Variants in FAM171B observed in about 807,000 individuals in gnomAD.
The protein encoded by FAM171B is protein FAM171B.
In FAM171B, 19 loss-of-function variants were observed where a neutral mutation model predicts 75.6. That is an observed-to-expected ratio of 0.25 (90% CI 0.18 to 0.37). The LOEUF is 0.37. Among genes scored for constraint, FAM171B ranks in the 10% least tolerant of loss-of-function variants. FAM171B has a pLI of 1.00. For synonymous variants in FAM171B, 367 were observed against 361.7 expected (o/e 1.01, Z -0.17); for missense variants, 848 against 982.4 (o/e 0.86, Z 1.83).
chr2:186,762,774 C>G lies in FAM171B; in HGVS notation c.2432C>G (p.Thr811Ser). The G allele has an allele frequency of 6.2e-7, 1 of 1,613,204 alleles. No homozygotes were observed. Among genetic ancestry groups the G allele is most frequent in the South Asian group, 1.1e-5 (1 of 91,040 alleles). Reference sequence around the variant, plus strand: ...CCACTAGCCAAAAGAGATAGCAAGACTAACATCTGGAAGAAGCGAGAGGAA... The same window carrying G: ...CCACTAGCCAAAAGAGATAGCAAGAGTAACATCTGGAAGAAGCGAGAGGAA... ...RPPLAKRDSK[T>S]NIWKKREERP... is the part of the protein sequence containing the mutation. Residue 811 changes from threonine (T) to serine (S), a missense_variant, in exon 8 of 8, where the codon ACT becomes AGT. Thr to Ser is a moderately conservative substitution (Grantham distance 58, BLOSUM62 1). This residue lies in a region of FAM171B where 136 missense variants were observed against 159.3 expected (regional missense o/e 0.85). Coordinates refer to ENST00000304698, the MANE Select transcript of FAM171B (RefSeq NM_177454.4). This position sits in a 1 kb window ranked among gnomAD's most constrained non-coding sequence, Gnocchi z 4.0.
At position 186,694,391 on chromosome 2, in the gene FAM171B, C is replaced by A; in HGVS notation, c.218C>A (p.Thr73Asn). 6.2e-7 allele frequency: 1 copy of A among 1,612,494 alleles called. No homozygotes were observed. Among genetic ancestry groups the A allele is most frequent in the Non-Finnish European group, 8.5e-7 (1 of 1,179,440 alleles). Reference protein sequence around the residue: ...EEERTEVPGATSTLTVPVSVF... With the variant: ...EEERTEVPGANSTLTVPVSVF... ...GAGAGGACAGAGGTGCCTGGGGCAA[C>A]CTCCACCTTGACGGTTCCAGGTAGG... The change falls in exon 1 of 8, where the codon ACC (threonine) becomes AAC (asparagine). Residue 73 changes from threonine to asparagine, a missense_variant. Thr to Asn is a moderately conservative substitution (Grantham distance 65). Around this residue, in one of 3 missense-constraint regions of FAM171B, gnomAD observed 665 missense variants for 729.0 expected, o/e 0.91. Transcript: ENST00000304698.
chr2:186,763,492 A>C lies in FAM171B; in HGVS notation c.*669A>C, dbSNP rs1690654492. 6.6e-6 allele frequency: 1 copy of C among 152,102 alleles called. No homozygotes were observed. The highest frequency in any genetic ancestry group is 2.4e-5 in the African/African-American group (1 of 41,432). 9.4% of individuals were successfully genotyped at this position (152,102 alleles called of 1,614,324 possible). A position where few individuals can be genotyped will look rare whatever the true frequency, so the allele number is the denominator to read the frequency against. Reference sequence around the variant, plus strand: ...AACTTTACAAAATAAGTAAGATGTTAATTTAGAAATTTGAGAAATTAATGC... The same window carrying C: ...AACTTTACAAAATAAGTAAGATGTTCATTTAGAAATTTGAGAAATTAATGC... On this transcript the variant is annotated 3_prime_UTR_variant, in exon 8 of 8. Coordinates refer to ENST00000304698, the MANE Select transcript of FAM171B (RefSeq NM_177454.4).
In FAM171B at chr2:186,765,198, A is replaced by G. The variant is rs1028478529; in HGVS notation, c.*2375A>G. 6.6e-6 allele frequency: 1 copy of G among 152,044 alleles called. No individual in the cohort carries two copies. The highest frequency in any genetic ancestry group is 1.5e-5 in the Non-Finnish European group (1 of 67,940). 9.4% of individuals were successfully genotyped at this position (152,044 alleles called of 1,614,324 possible). On this transcript the variant is annotated 3_prime_UTR_variant, in exon 8 of 8. Transcript: ENST00000304698. ...TCTACTTTTTCTTAACCCAAGTGAT[A>G]ATAAACAATATTCACAACTTTCTTA...
chr2:186,764,166 C>T lies in FAM171B; in HGVS notation c.*1343C>T, dbSNP rs1036965161. 4 of 152,010 alleles carry T rather than the reference C, an allele frequency of 2.6e-5. No homozygotes were observed. The highest frequency in any genetic ancestry group is 5.9e-5 in the Non-Finnish European group (4 of 67,948). 9.4% of individuals were successfully genotyped at this position (152,010 alleles called of 1,614,324 possible). On this transcript the variant is annotated 3_prime_UTR_variant, in exon 8 of 8. Transcript: ENST00000304698. ...CCCTGAAGGCAAATGTCTGAAGCAC[C>T]TTTCCCTTGTGGGGGTAAAAATCCT...
chr2:186,706,890 T>C (rs1051152663), intron 1 of FAM171B, among the ~76,000 whole-genome samples: 1 of 152,036 alleles, frequency 6.6e-6, no homozygotes, highest in Non-Finnish European at 1.5e-5. Flanking sequence ...GAAAATTATA[T>C]ATTAATATTA....
At position 186,764,079 on chromosome 2, in the gene FAM171B, C is replaced by T. The variant is rs1690663728; in HGVS notation, c.*1256C>T. 6.6e-6 allele frequency: 1 copy of T among 152,038 alleles called. No individual in the cohort carries two copies. The highest frequency in any genetic ancestry group is 2.1e-4 in the South Asian group (1 of 4,830). The allele number at this position is 152,038 out of a possible 1,614,324, so 9.4% of individuals were successfully genotyped here. On this transcript the variant is annotated 3_prime_UTR_variant, in exon 8 of 8. Coordinates refer to ENST00000304698, the MANE Select transcript of FAM171B (RefSeq NM_177454.4). ...AATTAACTCTGAATTACCATTCATA[C>T]ATCCTAAAAATAAAAGCTCGTTATT...
chr2:186,718,536 T>C (rs1231450742), intron 1 of FAM171B, among the ~76,000 whole-genome samples: 1 of 152,224 alleles, frequency 6.6e-6, no homozygotes, highest in Non-Finnish European at 1.5e-5. Flanking sequence ...TTCCCTCTTC[T>C]CTATCCCTGT....
At chr2:186,732,137 T>C (rs1690126613) in intron 1 of FAM171B, among the ~76,000 whole-genome samples, 1 of 151,622 alleles carries the variant, frequency 6.6e-6, no homozygotes, top group African/African-American at 2.4e-5. Flanking sequence ...GCCAAAAAGG[T>C]TGGGAGGCAC....
intron 6 of FAM171B, among the ~76,000 whole-genome samples, chr2:186,760,230 T>C (rs987177541): frequency 4.6e-5 from 7 of 152,142 alleles, no homozygotes; most frequent in African/African-American, 1.7e-4. Context: ...CACAATGGCA[T>C]TCGTATACGT....
chr2:186,731,070 TTG>T (rs1262412190), intron 1 of FAM171B, among the ~76,000 whole-genome samples: 5 of 152,230 alleles, frequency 3.3e-5, no homozygotes, highest in African/African-American at 1.2e-4. Flanking sequence ...TATGTTCAGT[TTG>T]TCTCTCATGC....
At chr2:186,704,998 G>T (rs1249276581) in intron 1 of FAM171B, among the ~76,000 whole-genome samples, 1 of 152,200 alleles carries the variant, frequency 6.6e-6, no homozygotes, top group East Asian at 1.9e-4. Flanking sequence ...CCAAAGTGGG[G>T]CTTAGCCTGT....
intron 1 of FAM171B, among the ~76,000 whole-genome samples, chr2:186,715,145 G>GC (rs1559083110): frequency 1.3e-5 from 2 of 152,046 alleles, no homozygotes; most frequent in Non-Finnish European, 2.9e-5. Flanking sequence ...CATTTACTAC[G>GC]CCCAGAATCT....
At chr2:186,742,634 G>A (rs529732038) in intron 2 of FAM171B, among the ~76,000 whole-genome samples, 62 of 152,204 alleles carry the variant, frequency 4.1e-4, no homozygotes, top group Non-Finnish European at 5.3e-4. Flanking sequence ...AGGATGCCAT[G>A]CTATTTCTAT....
At chr2:186,747,544 A>T (rs1173622529) in intron 4 of FAM171B, among the ~76,000 whole-genome samples, 1 of 152,116 alleles carries the variant, frequency 6.6e-6, no homozygotes, top group African/African-American at 2.4e-5. Flanking sequence ...TATAGAAAAT[A>T]GTTATGATTA....
chr2:186,760,040 ACTGTC>A (rs1690592168), intron 6 of FAM171B, among the ~76,000 whole-genome samples: 1 of 152,108 alleles, frequency 6.6e-6, no homozygotes. Flanking sequence ...TATTGAAGAG[ACTGTC>A]CTTTCCCCAA....
chr2:186,762,838 G>T lies in FAM171B; in HGVS notation c.*15G>T. 6.3e-7 allele frequency: 1 copy of T among 1,598,834 alleles called. No homozygotes were observed. The highest frequency in any genetic ancestry group is 8.5e-7 in the Non-Finnish European group (1 of 1,172,310). On this transcript the variant is annotated 3_prime_UTR_variant, in exon 8 of 8. Coordinates refer to ENST00000304698, the MANE Select transcript of FAM171B (RefSeq NM_177454.4). This position sits in a 1 kb window ranked among gnomAD's most constrained non-coding sequence, Gnocchi z 4.0. The stretch of plus-strand genomic sequence containing the variant: ...CCATAAATTAACTCCAATGGGGATT[G>T]TGTGTCTGCTGTCTCGTGCTGTTTA...
rs1333540703 is a variant in FAM171B, at chr2:186,751,205, A to G, written c.796A>G (p.Lys266Glu). Residue 266 changes from lysine to glutamate, a missense_variant, in exon 5 of 8, where the codon AAG becomes GAG. This residue lies in a region of FAM171B where 665 missense variants were observed against 729.0 expected (regional missense o/e 0.91). Coordinates refer to ENST00000304698, the MANE Select transcript of FAM171B (RefSeq NM_177454.4). ...AATATATTCTGGAGGAAAAGAACTA[A>G]AGGTCAATGGCTCTATTCAAGTTTC... ...VKIYSGGKELKVNGSIQVSLP... is the reference protein window; with the variant it reads ...VKIYSGGKELEVNGSIQVSLP... 1 of 1,611,846 alleles carries G rather than the reference A, an allele frequency of 6.2e-7. No individual in the cohort carries two copies. Among genetic ancestry groups the G allele is most frequent in the African/African-American group, 1.3e-5 (1 of 74,876 alleles).
chr2:186,703,892 GA>G (rs1250686559), intron 1 of FAM171B, among the ~76,000 whole-genome samples: 1 of 151,862 alleles, frequency 6.6e-6, no homozygotes, highest in African/African-American at 2.4e-5. Flanking sequence ...TGTGTAAGGG[GA>G]AAAAATATCA....
At chr2:186,708,311 G>A (rs1460002711) in intron 1 of FAM171B, among the ~76,000 whole-genome samples, 1 of 151,932 alleles carries the variant, frequency 6.6e-6, no homozygotes, top group Non-Finnish European at 1.5e-5. Context: ...TTTATCCATA[G>A]GGTTGGTGAG....
Sources: gnomAD v4.1 joint callset for allele counts (sites outside exome capture counted in the v4.1 genomes callset) on GRCh38, gnomAD v4.1.1 for gene constraint, gnomAD v4.1.1 regional missense constraint, Gnocchi (gnomAD v3.1) non-coding constraint, MANE v1.5 for transcripts, NCBI Gene and HGNC (gene_info 2026-07-23, HGNC 2026-07-21) for gene names.